The following MASP1 variants were observed in gnomAD, a reference collection of about 807,000 sequenced individuals.
The protein encoded by MASP1 is mannan-binding lectin serine protease 1.
MASP1 carries 59 observed loss-of-function variants against 77.1 expected under a neutral mutation model. The ratio of observed to expected loss-of-function variants is 0.77; its 90% confidence interval spans 0.62 to 0.95. The LOEUF is 0.95. MASP1 is among the 40% of genes least tolerant of loss of function. MASP1 has a pLI of 0.00. For synonymous variants in MASP1, 362 were observed against 354.5 expected, an observed-to-expected ratio of 1.02 and a Z score of -0.24; for missense variants, 885 against 912.9, an observed-to-expected ratio of 0.97 and a Z score of 0.39.
intron 15 of MASP1, chr3:187,221,023 C>T (rs769415692): frequency 6.2e-7 from 1 of 1,611,886 alleles, no homozygotes; most frequent in East Asian, 2.2e-5. Context: ...GTATGCCAGC[C>T]TCTTAACCCA....
At chr3:187,278,478 C>T (rs1717142183) in intron 2 of MASP1, among the ~76,000 whole-genome samples, 1 of 152,210 alleles carries the variant, frequency 6.6e-6, no homozygotes, top group Admixed American at 6.5e-5. Context: ...CTGTGTTAAT[C>T]CTCTCTCCAT....
intron 1 of MASP1, among the ~76,000 whole-genome samples, chr3:187,288,693 C>A (rs1425386734): frequency 6.6e-6 from 1 of 152,162 alleles, no homozygotes; most frequent in Non-Finnish European, 1.5e-5. Context: ...ATAGCGACAC[C>A]CAAATTATGC....
At chr3:187,241,866 A>C in intron 9 of MASP1, 2 of 333,314 alleles carry the variant, frequency 6.0e-6, no homozygotes, top group South Asian at 2.7e-5. Flanking sequence ...ATCTTTCTAA[A>C]ATGGGAATGT....
chr3:187,269,407 G>A lies in MASP1; in HGVS notation c.238-6687C>T, dbSNP rs1005304765. Among the ~76,000 whole-genome samples, 7 of 152,212 alleles carry A rather than the reference G, an allele frequency of 4.6e-5. 1 individual carries two copies. The highest frequency in any genetic ancestry group is 1.7e-4 in the African/African-American group (7 of 41,460). On this transcript the variant is annotated intron_variant, in intron 2 of 10. Transcript: ENST00000296280. The stretch of plus-strand genomic sequence containing the variant: ...TGACTGTGGCAATTCAAAATGAAAA[G>A]AGGCTCCTGAGCCTCAGGTTTCTAT...
chr3:187,243,310 A>T, intron 9 of MASP1, 174 bp downstream of exon 9: 1 of 717,420 alleles, frequency 1.4e-6, no homozygotes, highest in South Asian at 1.6e-5. Flanking sequence ...GGACACAGTA[A>T]CACAAGCTCA....
chr3:187,220,253 C>T lies in MASP1; in HGVS notation c.1918G>A (p.Asp640Asn), dbSNP rs771678447. 6 of 1,614,070 alleles carry T rather than the reference C, an allele frequency of 3.7e-6. No homozygotes were observed. In the East Asian group the frequency reaches 1.3e-4, roughly 36 times the overall value. Residue 640 changes from aspartate (D) to asparagine (N), a missense_variant, in exon 16 of 16, where the codon GAC becomes AAC. By Grantham distance (23) the Asp-to-Asn change is conservative (BLOSUM62 1). Transcript: ENST00000337774. ...CCTCCAGAGTCACCCGCACAGGCGTCCTTTCCCCCTAGGTGAAAAAGAGAC... is the reference window on the plus strand; with the variant it reads ...CCTCCAGAGTCACCCGCACAGGCGTTCTTTCCCCCTAGGTGAAAAAGAGAC...
chr3:187,239,464 A>G (rs1411217034), intron 10 of MASP1, among the ~76,000 whole-genome samples: 1 of 152,244 alleles, frequency 6.6e-6, no homozygotes, highest in Non-Finnish European at 1.5e-5. Context: ...CAGTTAGGAA[A>G]TGGCAGCATC....
chr3:187,225,465 C>T lies in MASP1; in HGVS notation c.1600G>A (p.Gly534Ser), dbSNP rs549195482. ...GGGTGGAGAGTGGTGTGTTTGACGC[C>T]GAGATGCTGTTCATTTTCATCTGAC... is the stretch of plus-strand genomic sequence containing the variant. Residue 534 changes from glycine to serine, a missense_variant, in exon 13 of 16, where the codon GGC (glycine) becomes AGC (serine). Transcript: ENST00000337774. The T allele has an allele frequency of 1.3e-5, 21 of 1,613,986 alleles. No homozygotes were observed. The Admixed American group carries it at 1.3e-4, about 10-fold the overall frequency.
rs150600860 is a variant in MASP1, at chr3:187,262,640, C to A, written c.318G>T (p.Val106=). The A allele has an allele frequency of 1.4e-5, 23 of 1,613,958 alleles. No individual in the cohort carries two copies. Among genetic ancestry groups the A allele is most frequent in the Non-Finnish European group, 1.8e-5 (21 of 1,179,986 alleles). Residue 106 remains valine (V), a synonymous_variant, in exon 3 of 11, where the codon GTG becomes GTT. Transcript: ENST00000296280. ...ACATGAAGGAGCCAGGGGAGAGGAC[C>A]ACCTCCTGGCCGGGAGTCTGCTCTG... The part of the protein sequence containing the change: ...TDTEQTPGQE[V]VLSPGSFMSI...
chr3:187,239,173 T>G (rs1713419522), intron 10 of MASP1, among the ~76,000 whole-genome samples: 1 of 142,638 alleles, frequency 7.0e-6, no homozygotes. Context: ...AGAAACCCCG[T>G]CTCTACTAAA....
exon 12 of MASP1, chr3:187,226,432 G>C: frequency 6.2e-7 from 1 of 1,611,780 alleles, no homozygotes; most frequent in South Asian, 1.1e-5. Context: ...AGTCAGAAGG[G>C]CTGAGCAAGT....
Position 187,226,497 on chromosome 3 carries a change from C to T in MASP1, c.1465G>A (p.Ala489Thr), listed in dbSNP as rs751292648. ...TCGAGTGACTGGTGGAGGCAGTGTG[C>T]GGCGGTCACGATCCAGCTGGAGCCT... Residue 489 changes from alanine to threonine, a missense_variant, in exon 12 of 16, where the codon GCA becomes ACA. Transcript: ENST00000337774. 4.9e-5 allele frequency: 79 copies of T among 1,611,052 alleles called. No individual in the cohort carries two copies. Among genetic ancestry groups the T allele is most frequent in the East Asian group, 2.9e-4 (13 of 44,768 alleles).
intron 4 of MASP1, 73 bp from the exon 5 acceptor site, chr3:187,256,933 T>C: frequency 4.4e-6 from 6 of 1,366,342 alleles, no homozygotes; most frequent in Non-Finnish European, 6.2e-6. Flanking sequence ...TCTGTTACTA[T>C]ATGATTTTCC....
At chr3:187,245,919 G>A (rs1330470681) in intron 8 of MASP1, among the ~76,000 whole-genome samples, 1 of 152,166 alleles carries the variant, frequency 6.6e-6, no homozygotes, top group Non-Finnish European at 1.5e-5. Flanking sequence ...GTACTGGGGG[G>A]CTTTCTAGAG....
At chr3:187,290,602 G>T (rs533372112) in intron 1 of MASP1, among the ~76,000 whole-genome samples, 1 of 152,276 alleles carries the variant, frequency 6.6e-6, no homozygotes, top group African/African-American at 2.4e-5. Context: ...TGAACCACAG[G>T]TAATCGGAGT....
At chr3:187,265,917 A>G (rs945890637) in intron 2 of MASP1, among the ~76,000 whole-genome samples, 9 of 152,174 alleles carry the variant, frequency 5.9e-5, no homozygotes, top group African/African-American at 1.9e-4. Flanking sequence ...CATAACCTAA[A>G]CAGAGGGGTC....
intron 1 of MASP1, among the ~76,000 whole-genome samples, chr3:187,289,273 C>T (rs369492449): frequency 3.3e-5 from 5 of 152,248 alleles, no homozygotes; most frequent in South Asian, 2.1e-4. Context: ...ATACACTGTC[C>T]GTACACGCCC....
chr3:187,233,994 G>T (rs1258739157), downstream of MASP1: 1 of 841,710 alleles, frequency 1.2e-6, no homozygotes, highest in Non-Finnish European at 1.6e-6. Flanking sequence ...GGGAGATTTT[G>T]GTTTAATGAG....
chr3:187,250,652 G>C (rs1164645598), intron 7 of MASP1, among the ~76,000 whole-genome samples: 1 of 152,160 alleles, frequency 6.6e-6, no homozygotes, highest in Non-Finnish European at 1.5e-5. Context: ...ATCTCCTAGA[G>C]AGCTTGTTAA....
Sources: allele counts gnomAD v4.1 joint callset (sites outside exome capture counted in the v4.1 genomes callset), GRCh38; gene constraint gnomAD v4.1.1; transcripts MANE v1.5; gene names NCBI Gene and HGNC (gene_info 2026-07-23, HGNC 2026-07-21).